FUT9: variants seen among roughly 807,000 people sequenced by gnomAD.
FUT9 encodes the protein fucosyltransferase 9.
A neutral mutation model predicts 29.7 loss-of-function variants in FUT9; 15 were observed. The ratio of observed to expected loss-of-function variants is 0.51; its 90% CI spans 0.34 to 0.78. The LOEUF is 0.78. Ranked by LOEUF, FUT9 falls within the 30% of genes least tolerant of loss-of-function variation. The pLI, the probability that FUT9 is intolerant of heterozygous loss-of-function variation, is 0.01. For missense variants in FUT9, 319 were observed against 425.4 expected, an observed-to-expected ratio of 0.75 and a Z score of 2.20; for synonymous variants, 169 against 153.7, an observed-to-expected ratio of 1.10 and a Z score of -0.74.
In FUT9 at chr6:96,118,204, C is replaced by CA. The variant is rs71012538; in HGVS notation, c.-9+4096dup. 7.7e-4 allele frequency among the ~76,000 whole-genome samples: 106 copies of CA among 136,788 alleles called. 1 individual carries two copies. The highest frequency in any genetic ancestry group is 2.7e-3 in the African/African-American group (95 of 35,702). 89.7% of individuals were successfully genotyped at this position (136,788 alleles called of 152,430 possible). A position where few individuals can be genotyped will look rare whatever the true frequency, so the allele number is the denominator to read the frequency against. On this transcript the variant is annotated intron_variant, in intron 2 of 2. Coordinates refer to ENST00000302103, the MANE Select transcript of FUT9 (RefSeq NM_006581.4). ...TGGGCAAGAGAGTAAGAGTCTGTCT[C>CA]AAAAAAAAAAAAAAAAAAAGTCCTA...
chr6:96,078,309 A>AT (rs1582214686), intron 1 of FUT9, among the ~76,000 whole-genome samples: 1 of 149,936 alleles, frequency 6.7e-6, no homozygotes, highest in African/African-American at 2.5e-5. Flanking sequence ...TGTTTCAGAG[A>AT]TACATCTTCT....
chr6:96,056,321 C>A (rs529995328), intron 1 of FUT9, among the ~76,000 whole-genome samples: 10 of 152,286 alleles, frequency 6.6e-5, no homozygotes, highest in African/African-American at 1.7e-4. Context: ...GTCTCTATGG[C>A]AAAGTCATAC....
chr6:96,102,380 T>C (rs1771603052), intron 1 of FUT9, among the ~76,000 whole-genome samples: 1 of 152,176 alleles, frequency 6.6e-6, no homozygotes, highest in Non-Finnish European at 1.5e-5. Context: ...TTTAAAATAA[T>C]AATTATGTTT....
intron 1 of FUT9, among the ~76,000 whole-genome samples, chr6:96,033,368 T>A (rs1325070): frequency 0.44 from 66,370 of 151,248 alleles, 14,617 homozygotes; most frequent in Non-Finnish European, 0.46. Context: ...ACAGTTAGTG[T>A]ACTTCTATTG....
At chr6:96,042,801 C>T (rs1353116391) in intron 1 of FUT9, among the ~76,000 whole-genome samples, 3 of 152,090 alleles carry the variant, frequency 2.0e-5, no homozygotes, top group African/African-American at 7.2e-5. Context: ...TGAGATACTT[C>T]CCATTATTCT....
At chr6:96,117,265 T>C (rs1040327600) in intron 2 of FUT9, among the ~76,000 whole-genome samples, 2 of 152,176 alleles carry the variant, frequency 1.3e-5, no homozygotes, top group Non-Finnish European at 2.9e-5. Context: ...ATTATAGATA[T>C]TGGGAGATAG....
At chr6:96,068,409 A>G (rs182027673) in intron 1 of FUT9, among the ~76,000 whole-genome samples, 34 of 152,328 alleles carry the variant, frequency 2.2e-4, no homozygotes, top group African/African-American at 8.2e-4. Context: ...TTAACCAAAA[A>G]TACCCAATAT....
intron 1 of FUT9, among the ~76,000 whole-genome samples, chr6:96,025,658 G>T (rs892231355): frequency 1.3e-5 from 2 of 151,636 alleles, no homozygotes; most frequent in African/African-American, 4.8e-5. Context: ...TGTGGTGGTG[G>T]TTCATGGCAT....
chr6:96,054,401 T>C (rs1770726908), intron 1 of FUT9, among the ~76,000 whole-genome samples: 1 of 152,220 alleles, frequency 6.6e-6, no homozygotes. Flanking sequence ...CTCTATAGAA[T>C]TCATTTATTC....
At chr6:96,045,051 A>G (rs1292436878) in intron 1 of FUT9, among the ~76,000 whole-genome samples, 1 of 152,172 alleles carries the variant, frequency 6.6e-6, no homozygotes, top group East Asian at 1.9e-4. Flanking sequence ...GTGGAGATTG[A>G]CCAGGCTCAC....
intron 1 of FUT9, among the ~76,000 whole-genome samples, chr6:96,081,314 A>T (rs899616826): frequency 5.3e-5 from 8 of 151,108 alleles, no homozygotes; most frequent in Admixed American, 3.3e-4. Context: ...TCTTTCACAC[A>T]CAAACACACA....
At chr6:96,147,307 C>A (rs1157096643) in intron 2 of FUT9, among the ~76,000 whole-genome samples, 1 of 151,952 alleles carries the variant, frequency 6.6e-6, no homozygotes, top group Non-Finnish European at 1.5e-5. Context: ...ATTACAGGTG[C>A]ACGCCACCAT....
intron 1 of FUT9, among the ~76,000 whole-genome samples, chr6:96,050,655 C>T (rs1025875043): frequency 6.6e-6 from 1 of 152,172 alleles, no homozygotes; most frequent in African/African-American, 2.4e-5. Flanking sequence ...ACATACCACA[C>T]TTTAAGTAGC....
At chr6:96,163,180 T>G (rs1308928139) in intron 2 of FUT9, among the ~76,000 whole-genome samples, 1 of 152,106 alleles carries the variant, frequency 6.6e-6, no homozygotes, top group African/African-American at 2.4e-5. Flanking sequence ...AGTTACTAAT[T>G]TAAATGTTCC....
intron 1 of FUT9, among the ~76,000 whole-genome samples, chr6:96,051,777 A>G (rs903909820): frequency 1.3e-5 from 2 of 152,048 alleles, no homozygotes; most frequent in Non-Finnish European, 2.9e-5. Context: ...AATATTATAT[A>G]TTAAATACAT....
chr6:96,057,766 G>A (rs746505404), intron 1 of FUT9, among the ~76,000 whole-genome samples: 8 of 152,088 alleles, frequency 5.3e-5, no homozygotes, highest in Non-Finnish European at 5.9e-5. Flanking sequence ...GACATCAGGA[G>A]GTTTGGCTTC....
At chr6:96,172,539 T>G (rs190838766) in intron 2 of FUT9, among the ~76,000 whole-genome samples, 3 of 152,122 alleles carry the variant, frequency 2.0e-5, no homozygotes, top group Non-Finnish European at 4.4e-5. Flanking sequence ...CTGTAAATTT[T>G]TGCCCCTTTC....
chr6:96,099,813 G>C (rs1771556867), intron 1 of FUT9, among the ~76,000 whole-genome samples: 1 of 152,240 alleles, frequency 6.6e-6, no homozygotes, highest in African/African-American at 2.4e-5. Context: ...CAGAGGTTGA[G>C]TAATTAGTTT....
chr6:96,119,372 A>G (rs11753606), intron 2 of FUT9, among the ~76,000 whole-genome samples: 40,952 of 152,130 alleles, frequency 0.27, 6,356 homozygotes, highest in Non-Finnish European at 0.34. Context: ...TTTGTAGCCT[A>G]GAAACAATAG....
Sources: allele counts gnomAD v4.1 joint callset (sites outside exome capture counted in the v4.1 genomes callset), GRCh38; gene constraint gnomAD v4.1.1; transcripts MANE v1.5; gene names NCBI Gene and HGNC (gene_info 2026-07-23, HGNC 2026-07-21).